RGS6: variants seen among roughly 807,000 people sequenced by gnomAD.
RGS6 encodes the protein regulator of G protein signaling 6, also known as regulator of G-protein signaling 6.
In RGS6, 30 loss-of-function variants were observed where a neutral mutation model predicts 78.5. The observed-to-expected ratio is 0.38, with a 90% CI of 0.29 to 0.52. The LOEUF is 0.52. Ranked by LOEUF, RGS6 falls within the 20% of genes least tolerant of loss-of-function variation. The probability of loss-of-function intolerance (pLI) is 0.85; values close to 1 mark genes in which losing one functional copy is unlikely to be tolerated. For synonymous variants in RGS6, 206 were observed against 206.0 expected (o/e 1.00, Z 0.00); for missense variants, 495 against 609.7 (o/e 0.81, Z 1.98).
At chr14:72,402,585 A>G (rs930214398) in intron 3 of RGS6, among the ~76,000 whole-genome samples, 1 of 152,140 alleles carries the variant, frequency 6.6e-6, no homozygotes, top group Non-Finnish European at 1.5e-5. Flanking sequence ...AACGGCTATG[A>G]TCAAAAAGAC....
At chr14:72,296,505 C>T (rs1373805814) in intron 2 of RGS6, among the ~76,000 whole-genome samples, 1 of 152,136 alleles carries the variant, frequency 6.6e-6, no homozygotes, top group Non-Finnish European at 1.5e-5. Flanking sequence ...TATTATCAGC[C>T]TTTAAAATTT....
At chr14:72,300,908 T>C (rs1472793784) in intron 2 of RGS6, among the ~76,000 whole-genome samples, 3 of 152,260 alleles carry the variant, frequency 2.0e-5, no homozygotes, top group African/African-American at 7.2e-5. Flanking sequence ...TCTTGATCGT[T>C]ACTAAATGGG....
In RGS6 at chr14:72,285,390, C is replaced by T. The variant is rs559051891; in HGVS notation, c.85-66705C>T. Reference sequence around the variant, plus strand: ...TGTTCTCATGGTAGTGAATAAGTCTCATGGGATCTAATGGTTTTATATGGG... The same window carrying T: ...TGTTCTCATGGTAGTGAATAAGTCTTATGGGATCTAATGGTTTTATATGGG... On this transcript the variant is annotated intron_variant, in intron 2 of 17. Transcript: ENST00000553525. 9.2e-5 allele frequency among the ~76,000 whole-genome samples: 14 copies of T among 152,294 alleles called. No homozygotes were observed. The South Asian group carries it at 2.1e-3, about 23-fold the overall frequency.
chr14:72,430,035 G>C (rs900393307), intron 3 of RGS6, among the ~76,000 whole-genome samples: 8 of 152,200 alleles, frequency 5.3e-5, no homozygotes, highest in African/African-American at 1.9e-4. Flanking sequence ...ATGCTGAACT[G>C]TGAGTCAATT....
Position 72,207,280 on chromosome 14 carries a change from C to G in RGS6, c.85-144815C>G, listed in dbSNP as rs138760032. On this transcript the variant is annotated intron_variant, in intron 2 of 17. Transcript: ENST00000553525. ...AATATGGGATAAATGTGATTATTCC[C>G]TGCATATTTATGTGCCAGTAGATAT... 2.1e-3 allele frequency among the ~76,000 whole-genome samples: 312 copies of G among 152,190 alleles called. 3 individuals carry two copies. The highest frequency in any genetic ancestry group is 0.017 in the East Asian group (89 of 5,186).
chr14:71,973,138 G>A (rs549269772), intron 2 of RGS6, among the ~76,000 whole-genome samples: 142 of 152,284 alleles, frequency 9.3e-4, no homozygotes, highest in Non-Finnish European at 1.6e-3. Flanking sequence ...TAAGGGGTTA[G>A]CTATGCTGGG....
intron 13 of RGS6, among the ~76,000 whole-genome samples, chr14:72,506,603 A>G (rs2153437272): frequency 6.6e-6 from 1 of 152,354 alleles, no homozygotes; most frequent in African/African-American, 2.4e-5. Flanking sequence ...GACTCCCAGT[A>G]GTGAAATCGT....
chr14:72,303,927 A>G (rs1466478382), intron 2 of RGS6, among the ~76,000 whole-genome samples: 3 of 152,138 alleles, frequency 2.0e-5, no homozygotes, highest in African/African-American at 4.8e-5. Flanking sequence ...GAGTTTCCCT[A>G]CTTCTACCAG....
At chr14:72,240,803 C>T (rs553560010) in intron 2 of RGS6, among the ~76,000 whole-genome samples, 8 of 152,242 alleles carry the variant, frequency 5.3e-5, no homozygotes, top group East Asian at 1.9e-4. Context: ...TTTAACAATG[C>T]GGTTTAGTAT....
chr14:72,090,112 CAAA>C (rs760072084), intron 2 of RGS6, among the ~76,000 whole-genome samples: 1 of 44,430 alleles, frequency 2.3e-5, no homozygotes, highest in Non-Finnish European at 5.4e-5. Context: ...GACTCCATCT[CAAA>C]AAAAAAAAAA....
At chr14:72,265,246 G>C (rs574771724) in intron 2 of RGS6, among the ~76,000 whole-genome samples, 1 of 152,108 alleles carries the variant, frequency 6.6e-6, no homozygotes, top group African/African-American at 2.4e-5. Context: ...ACGGTGCTGG[G>C]CATCCTTGCA....
intron 1 of RGS6, among the ~76,000 whole-genome samples, chr14:71,938,487 C>T (rs1310496987): frequency 6.6e-5 from 10 of 152,158 alleles, no homozygotes; most frequent in Non-Finnish European, 1.3e-4. Flanking sequence ...GCCTGCATAT[C>T]GTGCAGAACC....
intron 2 of RGS6, among the ~76,000 whole-genome samples, chr14:72,223,037 A>C (rs1231180747): frequency 6.6e-6 from 1 of 151,978 alleles, no homozygotes; most frequent in African/African-American, 2.4e-5. Context: ...TGGAATCCAA[A>C]TTAATGAGAT....
chr14:72,623,085 G>C, the RGS6 span, among the ~76,000 whole-genome samples: 2 of 152,140 alleles, frequency 1.3e-5, no homozygotes, highest in Non-Finnish European at 2.9e-5. Flanking sequence ...ATATATACTT[G>C]TTACCATTTT....
chr14:72,075,445 T>A (rs2094541447), intron 2 of RGS6, among the ~76,000 whole-genome samples: 1 of 152,190 alleles, frequency 6.6e-6, no homozygotes, highest in Non-Finnish European at 1.5e-5. Context: ...AGACTTAAGA[T>A]GAAGATGGTA....
At chr14:72,210,883 G>A (rs964267103) in intron 2 of RGS6, among the ~76,000 whole-genome samples, 1 of 151,622 alleles carries the variant, frequency 6.6e-6, no homozygotes, top group African/African-American at 2.4e-5. Flanking sequence ...CTCTGTAATT[G>A]AGCAATAAAC....
chr14:72,097,687 C>T (rs1355856389), intron 2 of RGS6, among the ~76,000 whole-genome samples: 2 of 152,208 alleles, frequency 1.3e-5, no homozygotes, highest in Non-Finnish European at 2.9e-5. Context: ...TCCCCCTCCT[C>T]TGCCGGGAAG....
chr14:72,175,067 T>G (rs943282978), intron 2 of RGS6, among the ~76,000 whole-genome samples: 14 of 152,230 alleles, frequency 9.2e-5, no homozygotes, highest in African/African-American at 3.4e-4. Context: ...AGAGGGACTG[T>G]GCCGAGTGTC....
Position 71,955,390 on chromosome 14 carries a change from G to A in RGS6, c.-20-9382G>A, listed in dbSNP as rs116670427. On this transcript the variant is annotated intron_variant, in intron 1 of 17. Coordinates refer to ENST00000553525, the MANE Select transcript of RGS6 (RefSeq NM_001204424.2). ...CCAAGAGAGGGTTCTTGGATCTCAC[G>A]CAAGAAATAATTCGGGGCAAGTCCG... 6.4e-3 allele frequency among the ~76,000 whole-genome samples: 971 copies of A among 152,256 alleles called. 9 individuals are homozygous for A. The highest frequency in any genetic ancestry group is 0.022 in the African/African-American group (916 of 41,550).
Sources: gnomAD v4.1 joint callset for allele counts (sites outside exome capture counted in the v4.1 genomes callset) on GRCh38, gnomAD v4.1.1 for gene constraint, MANE v1.5 for transcripts, NCBI Gene and HGNC (gene_info 2026-07-23, HGNC 2026-07-21) for gene names.